The following RPS6KA2 variants were observed in gnomAD, a reference collection of about 807,000 sequenced individuals.
The protein encoded by RPS6KA2 is ribosomal protein S6 kinase alpha-2.
Under a neutral mutation model 91.8 loss-of-function variants are expected in RPS6KA2, and 42 were observed. The ratio of observed to expected loss-of-function variants is 0.46; its 90% CI spans 0.36 to 0.59. The LOEUF (loss-of-function observed/expected upper bound fraction) is 0.59, where lower values mean the gene tolerates loss of function less well. Ranked by LOEUF, RPS6KA2 falls within the 20% of genes least tolerant of loss-of-function variation. RPS6KA2 has a pLI of 0.00. For synonymous variants in RPS6KA2, 414 were observed against 393.6 expected (o/e 1.05, Z -0.61); for missense variants, 798 against 978.5 (o/e 0.82, Z 2.46).
At chr6:166,578,472 C>T (rs1784907436) in intron 1 of RPS6KA2, among the ~76,000 whole-genome samples, 1 of 152,218 alleles carries the variant, frequency 6.6e-6, no homozygotes, top group African/African-American at 2.4e-5. Flanking sequence ...CGGCACTTTG[C>T]TGTTCACTTT....
At chr6:166,464,920 A>T (rs1012942530) in intron 11 of RPS6KA2, among the ~76,000 whole-genome samples, 1 of 152,220 alleles carries the variant, frequency 6.6e-6, no homozygotes, top group Non-Finnish European at 1.5e-5. Context: ...TACTGTCAGC[A>T]GATGGGTCCT....
chr6:166,519,181 C>T (rs1222601182), intron 3 of RPS6KA2, among the ~76,000 whole-genome samples: 1 of 152,184 alleles, frequency 6.6e-6, no homozygotes, highest in Non-Finnish European at 1.5e-5. Context: ...AAAAAGAAAA[C>T]CAAGTGAAGA....
intron 12 of RPS6KA2, among the ~76,000 whole-genome samples, chr6:166,457,045 G>T (rs1188734521): frequency 6.6e-6 from 1 of 152,204 alleles, no homozygotes; most frequent in Non-Finnish European, 1.5e-5. Context: ...ATGAATATTA[G>T]AGTTGACTGT....
intron 2 of RPS6KA2, among the ~76,000 whole-genome samples, chr6:166,642,538 C>T (rs1236741480): frequency 6.6e-6 from 1 of 152,172 alleles, no homozygotes; most frequent in Non-Finnish European, 1.5e-5. Context: ...CTAATGTTTT[C>T]ATATTTTTCT....
intron 1 of RPS6KA2, among the ~76,000 whole-genome samples, chr6:166,610,586 G>GC (rs1326201717): frequency 2.0e-5 from 3 of 152,176 alleles, no homozygotes; most frequent in African/African-American, 7.2e-5. Flanking sequence ...TTCACCCAGG[G>GC]CCCCTCAGGA....
chr6:166,654,723 T>C (rs762334952), intron 2 of RPS6KA2, among the ~76,000 whole-genome samples: 16 of 152,364 alleles, frequency 1.1e-4, no homozygotes, highest in Non-Finnish European at 1.8e-4. Context: ...GAATGTTTCA[T>C]AGTCTGGACT....
At chr6:166,472,106 G>C (rs1203062256) in intron 10 of RPS6KA2, among the ~76,000 whole-genome samples, 3 of 152,192 alleles carry the variant, frequency 2.0e-5, no homozygotes, top group Admixed American at 2.0e-4. Context: ...ACCCTCCTCT[G>C]AAGTGTGCCT....
rs188025013 is a variant in RPS6KA2, at chr6:166,455,240, T to G, written c.1076-4007A>C. Among the ~76,000 whole-genome samples, 298 of 152,140 alleles carry G rather than the reference T, an allele frequency of 2.0e-3. 3 individuals carry two copies. Among genetic ancestry groups the G allele is most frequent in the Non-Finnish European group, 3.4e-3 (228 of 67,992 alleles). ...GGAGGCAGCTGCAGAGAACACGTGT[T>G]TTGTTTCTTAGCATCATATTTTGGG... On this transcript the variant is annotated intron_variant, in intron 12 of 20. Coordinates refer to ENST00000265678, the MANE Select transcript of RPS6KA2 (RefSeq NM_021135.6).
intron 3 of RPS6KA2, among the ~76,000 whole-genome samples, chr6:166,527,367 T>C (rs1783093661): frequency 6.6e-6 from 1 of 152,204 alleles, no homozygotes; most frequent in African/African-American, 2.4e-5. Context: ...AACCGCCTGA[T>C]GGACAGTAGG....
Position 166,838,919 on chromosome 6 carries a change from G to A in RPS6KA2, c.123+19281C>T, listed in dbSNP as rs1004303763. Reference sequence around the variant, plus strand: ...GGAAGGCAGCAGGTCAGAGTCAGAGGACGAGATGTGGCCATGGAGGTCGGG... The same window carrying A: ...GGAAGGCAGCAGGTCAGAGTCAGAGAACGAGATGTGGCCATGGAGGTCGGG... On this transcript the variant is annotated intron_variant, in intron 2 of 21. Transcript: ENST00000503859. Among the ~76,000 whole-genome samples the A allele has an allele frequency of 7.3e-5, 10 of 137,696 alleles. 1 individual carries two copies. The highest frequency in any genetic ancestry group is 3.2e-4 in the African/African-American group (9 of 27,762). The allele number at this position is 137,696 out of a possible 152,430, so 90.3% of individuals were successfully genotyped here.
At chr6:166,608,073 T>C (rs1293870207) in intron 1 of RPS6KA2, among the ~76,000 whole-genome samples, 1 of 152,048 alleles carries the variant, frequency 6.6e-6, no homozygotes, top group East Asian at 1.9e-4. Context: ...TAGTGCATCT[T>C]GAAGAATGGA....
At chr6:166,830,224 C>A (rs1321540532) in intron 2 of RPS6KA2, among the ~76,000 whole-genome samples, 1 of 151,850 alleles carries the variant, frequency 6.6e-6, no homozygotes, top group East Asian at 1.9e-4. Flanking sequence ...GGACATTACG[C>A]TAAGTGAATA....
chr6:166,629,921 C>T (rs1404263198), upstream of RPS6KA2, among the ~76,000 whole-genome samples: 1 of 150,758 alleles, frequency 6.6e-6, no homozygotes, highest in Non-Finnish European at 1.5e-5. Context: ...AAAATGATTA[C>T]AACATCCCAA....
intron 2 of RPS6KA2, among the ~76,000 whole-genome samples, chr6:166,771,983 C>T (rs573962277): frequency 3.3e-5 from 5 of 152,214 alleles, no homozygotes; most frequent in East Asian, 3.9e-4. Flanking sequence ...AGCTGATGAG[C>T]GGCCGGTTTA....
chr6:166,685,641 C>T (rs142022497), intron 2 of RPS6KA2, among the ~76,000 whole-genome samples: 127 of 152,288 alleles, frequency 8.3e-4, no homozygotes, highest in African/African-American at 1.8e-3. Context: ...CACTGCATCC[C>T]AGCTTTTGAA....
At chr6:166,584,656 T>C (rs1258325480) in intron 1 of RPS6KA2, among the ~76,000 whole-genome samples, 2 of 152,248 alleles carry the variant, frequency 1.3e-5, no homozygotes. Flanking sequence ...GTCATTTCTA[T>C]CTGTGATTGT....
chr6:166,722,623 C>T (rs1747547763), intron 2 of RPS6KA2, among the ~76,000 whole-genome samples: 1 of 152,216 alleles, frequency 6.6e-6, no homozygotes, highest in Admixed American at 6.5e-5. Flanking sequence ...CCCTGGAGTT[C>T]TGTAAAAAGA....
At chr6:166,552,176 T>C (rs776624209) in intron 1 of RPS6KA2, among the ~76,000 whole-genome samples, 1 of 152,162 alleles carries the variant, frequency 6.6e-6, no homozygotes, top group Non-Finnish European at 1.5e-5. Flanking sequence ...TTAAATACAG[T>C]CTCAATTCTC....
chr6:166,790,856 G>A (rs1450732639), intron 2 of RPS6KA2, among the ~76,000 whole-genome samples: 2 of 152,058 alleles, frequency 1.3e-5, no homozygotes, highest in African/African-American at 4.8e-5. Flanking sequence ...AAGAGCTCCT[G>A]AAGGAAGCAC....
Sources: allele counts gnomAD v4.1 joint callset (sites outside exome capture counted in the v4.1 genomes callset), GRCh38; gene constraint gnomAD v4.1.1; transcripts MANE v1.5; gene names NCBI Gene and HGNC (gene_info 2026-07-23, HGNC 2026-07-21).